PCDHGA4: variants seen among roughly 807,000 people sequenced by gnomAD.
PCDHGA4 encodes protocadherin gamma-A4.
In PCDHGA4, 38 loss-of-function variants were observed where a neutral mutation model predicts 54.6. The ratio of observed to expected loss-of-function variants is 0.70; its 90% CI spans 0.54 to 0.91. PCDHGA4 has a LOEUF of 0.91. Ranked by LOEUF, PCDHGA4 falls within the 40% of genes least tolerant of loss-of-function variation. The pLI is 0.00. For missense variants in PCDHGA4, 1,298 were observed against 1,220.9 expected (o/e 1.06, Z -0.94); for synonymous variants, 511 against 512.9 (o/e 1.00, Z 0.05).
At chr5:141,438,996 A>G (rs2098080427) in intron 1 of PCDHGA4, among the ~76,000 whole-genome samples, 1 of 151,634 alleles carries the variant, frequency 6.6e-6, no homozygotes, top group African/African-American at 2.4e-5. Flanking sequence ...AAGGCTAAGG[A>G]CCTGGTTTGT....
Position 141,356,037 on chromosome 5 carries a change from T to C in PCDHGA4, c.930T>C (p.Tyr310=). 1 of 1,614,004 alleles carries C rather than the reference T, an allele frequency of 6.2e-7. No homozygotes were observed. Among genetic ancestry groups the C allele is most frequent in the South Asian group, 1.1e-5 (1 of 91,086 alleles). The change falls in exon 1 of 4, where the codon TAT becomes TAC. Residue 310 remains tyrosine (Y), a synonymous_variant. Transcript: ENST00000571252. ...AAGGAGCCAATGGAGACGTGACGTATTCTTTCCGGAAAGTAAGAGACAAAA... is the reference window on the plus strand; with the variant it reads ...AAGGAGCCAATGGAGACGTGACGTACTCTTTCCGGAAAGTAAGAGACAAAA... ...PDEGANGDVT[Y]SFRKVRDKIS...
intron 1 of PCDHGA4, among the ~76,000 whole-genome samples, chr5:141,447,954 CGGACACCTA>C (rs2098556369): frequency 6.6e-6 from 1 of 151,814 alleles, no homozygotes; most frequent in Non-Finnish European, 1.5e-5. Context: ...GGCATGGTGG[CGGACACCTA>C]TAATCCCAGC....
At chr5:141,377,906 C>G (rs777974750) in intron 1 of PCDHGA4, 1 of 152,162 alleles carries the variant, frequency 6.6e-6, no homozygotes, top group East Asian at 1.9e-4. Context: ...GTTGCCCAGT[C>G]TGGAGTAAAA....
intron 1 of PCDHGA4, chr5:141,399,474 C>T (rs1282833757): frequency 6.2e-7 from 1 of 1,614,032 alleles, no homozygotes; most frequent in South Asian, 1.1e-5. Flanking sequence ...CGGTTTTCCA[C>T]CAGGCGTCCT....
chr5:141,356,466 A>C lies in PCDHGA4; in HGVS notation c.1359A>C (p.Val453=). The C allele has an allele frequency of 6.2e-7, 1 of 1,613,768 alleles. No homozygotes were observed. Among genetic ancestry groups the C allele is most frequent in the Non-Finnish European group, 8.5e-7 (1 of 1,179,744 alleles). The stretch of plus-strand genomic sequence containing the variant: ...AAGTCTCAGAATATAACATCACTGT[A>C]ACTGCCACTGACCAGGGAACTCCTC... ...REEVSEYNIT[V]TATDQGTPPL... is the part of the protein sequence containing the mutation. The change falls in exon 1 of 4, where the codon GTA becomes GTC. Residue 453 remains valine (V), a synonymous_variant. Transcript: ENST00000571252.
rs961891623 is a variant in PCDHGA4 at position 141,487,938 on chromosome 5, GC to G, written c.2515-6868del. The G allele has an allele frequency of 2.8e-5, 17 of 600,188 alleles. No homozygotes were observed. The highest frequency in any genetic ancestry group is 4.7e-5 in the Non-Finnish European group (16 of 342,978). 37.2% of individuals were successfully genotyped at this position (600,188 alleles called of 1,614,324 possible). ...GAGGCTACAGTGCACAGGGTACAGTGCACCAGGCAGTCACTTGGACAAAGGT... is the reference window on the plus strand; with the variant it reads ...GAGGCTACAGTGCACAGGGTACAGTGACCAGGCAGTCACTTGGACAAAGGT... On this transcript the variant is annotated intron_variant, in intron 1 of 3. Coordinates refer to ENST00000571252, the MANE Select transcript of PCDHGA4 (RefSeq NM_018917.4). The surrounding 1 kb of genome is among the most constrained non-coding windows in gnomAD (Gnocchi z 5.0).
rs750033444 is a variant in PCDHGA4 at position 141,432,950 on chromosome 5, G to C, written c.2515-61857G>C. 1.2e-6 allele frequency: 2 copies of C among 1,614,190 alleles called. No homozygotes were observed. The highest frequency in any genetic ancestry group is 1.7e-6 in the Non-Finnish European group (2 of 1,180,032). ...ACGCCTGCTGCAGGCTTCAGGAGGC[G>C]GCTTGACAGGAGCGCCGGCGTCGCA... On this transcript the variant is annotated intron_variant, in intron 1 of 3. Transcript: ENST00000571252. The surrounding 1 kb of genome is among the most constrained non-coding windows in gnomAD (Gnocchi z 6.0).
At chr5:141,510,378 C>T (rs919650449) in intron 3 of PCDHGA4, among the ~76,000 whole-genome samples, 1 of 151,688 alleles carries the variant, frequency 6.6e-6, no homozygotes, top group African/African-American at 2.4e-5. Flanking sequence ...TCTACTCGTG[C>T]CAGGCCTTGC....
intron 1 of PCDHGA4, chr5:141,404,343 A>G (rs2094516679): frequency 3.1e-6 from 5 of 1,613,902 alleles, no homozygotes; most frequent in Non-Finnish European, 4.2e-6. Flanking sequence ...CTCCCGGAAA[A>G]CAACGCCAGA....
intron 1 of PCDHGA4, among the ~76,000 whole-genome samples, chr5:141,439,104 A>G (rs924055175): frequency 6.6e-6 from 1 of 151,676 alleles, no homozygotes; most frequent in African/African-American, 2.4e-5. Flanking sequence ...GAGGCAAGAG[A>G]ATCACTTGAA....
At chr5:141,498,967 GGGAGGGAAGGAA>G (rs1374222518) in intron 2 of PCDHGA4, among the ~76,000 whole-genome samples, 13 of 129,674 alleles carry the variant, frequency 1.0e-4, no homozygotes, top group South Asian at 5.5e-4. Context: ...GAGGGAGGGA[GGGAGGGAAGGAA>G]GGAAGGAAGG....
At chr5:141,410,445 T>A in intron 1 of PCDHGA4, 1 of 1,614,060 alleles carries the variant, frequency 6.2e-7, no homozygotes. Flanking sequence ...GAGGGGACTT[T>A]GCCTTATTCT....
rs956800097 is a variant in PCDHGA4 at position 141,356,312 on chromosome 5, T to A, written c.1205T>A (p.Val402Glu). The change falls in exon 1 of 4, where the codon GTG (valine) becomes GAG (glutamate). Residue 402 changes from valine to glutamate, a missense_variant. Coordinates refer to ENST00000571252, the MANE Select transcript of PCDHGA4 (RefSeq NM_018917.4). ...SPGTVIALFN[V>E]HDSDSGGNGL... ...GGTACAGTAATTGCACTTTTCAACG[T>A]GCATGACAGTGACTCAGGAGGAAAT... 4 of 1,554,200 alleles carry A rather than the reference T, an allele frequency of 2.6e-6. No individual in the cohort carries two copies. Among genetic ancestry groups the A allele is most frequent in the Middle Eastern group, 1.7e-4 (1 of 5,992 alleles).
At chr5:141,465,852 G>A (rs1250863307) in intron 1 of PCDHGA4, among the ~76,000 whole-genome samples, 1 of 151,996 alleles carries the variant, frequency 6.6e-6, no homozygotes, top group East Asian at 1.9e-4. Context: ...GCTGGGCCCA[G>A]TGGCTCATGC....
intron 1 of PCDHGA4, chr5:141,426,765 G>A (rs1343961009): frequency 1.8e-5 from 8 of 456,530 alleles, no homozygotes; most frequent in Non-Finnish European, 3.5e-5. Flanking sequence ...AGATGCAGAT[G>A]TAGGGCCTCA....
intron 1 of PCDHGA4, chr5:141,400,296 C>T (rs2093998279): frequency 6.2e-7 from 1 of 1,614,076 alleles, no homozygotes. Context: ...GGAGCTGCTT[C>T]CAACCTGGTC....
intron 1 of PCDHGA4, chr5:141,424,160 C>A (rs187420643): frequency 6.3e-4 from 172 of 273,324 alleles, no homozygotes; most frequent in South Asian, 2.2e-3. Flanking sequence ...CTCTCCTTCT[C>A]ATCTATCTAT....
At chr5:141,421,388 G>T in intron 1 of PCDHGA4, 17 of 1,614,052 alleles carry the variant, frequency 1.1e-5, no homozygotes, top group Non-Finnish European at 1.4e-5. Flanking sequence ...AAGGACCTGG[G>T]GCTGGAGCCC....
intron 1 of PCDHGA4, chr5:141,372,361 C>A (rs1227917364): frequency 6.2e-7 from 1 of 1,613,952 alleles, no homozygotes; most frequent in South Asian, 1.1e-5. Context: ...CCTCTTTCAG[C>A]CACCGTCATG....
Sources: allele counts gnomAD v4.1 joint callset (sites outside exome capture counted in the v4.1 genomes callset), GRCh38; gene constraint gnomAD v4.1.1; non-coding constraint Gnocchi (gnomAD v3.1); transcripts MANE v1.5; gene names NCBI Gene and HGNC (gene_info 2026-07-23, HGNC 2026-07-21).